RBFOX3: variants seen among roughly 807,000 people sequenced by gnomAD.
The protein encoded by RBFOX3 is RNA binding fox-1 homolog 3.
RBFOX3 carries 17 observed loss-of-function variants against 48.7 expected under a neutral mutation model. The observed-to-expected ratio is 0.35, with a 90% CI of 0.24 to 0.52. RBFOX3 has a LOEUF of 0.52. RBFOX3 is among the 20% of genes least tolerant of loss of function. The pLI is 0.94. For synonymous variants in RBFOX3, 212 were observed against 209.5 expected (o/e 1.01, Z -0.10); for missense variants, 382 against 497.5 (o/e 0.77, Z 2.21).
intron 1 of RBFOX3, among the ~76,000 whole-genome samples, chr17:79,580,510 G>A (rs890558659): frequency 1.3e-5 from 2 of 151,984 alleles, no homozygotes; most frequent in African/African-American, 4.8e-5. Context: ...ACTGTTCAGC[G>A]GTGCTCAGTG....
At chr17:79,426,017 G>A (rs1555725332) in intron 2 of RBFOX3, among the ~76,000 whole-genome samples, 2 of 152,126 alleles carry the variant, frequency 1.3e-5, no homozygotes, top group Non-Finnish European at 2.9e-5. Context: ...TGTGGAGGGG[G>A]AGAGAGCAAG....
At chr17:79,598,279 G>A (rs2093616149) in intron 1 of RBFOX3, 1 of 152,480 alleles carries the variant, frequency 6.6e-6, no homozygotes. Flanking sequence ...TGGCAATGCA[G>A]AGATGACCGT....
At chr17:79,393,363 TG>T (rs2061576491) in intron 2 of RBFOX3, among the ~76,000 whole-genome samples, 2 of 152,086 alleles carry the variant, frequency 1.3e-5, no homozygotes, top group Admixed American at 6.5e-5. Context: ...TACAATACAC[TG>T]GGAGGGAGAT....
rs2059548557 is a variant in RBFOX3 at position 79,220,120 on chromosome 17, A to G, written c.-34+15646T>C. 6.6e-6 allele frequency among the ~76,000 whole-genome samples: 1 copy of G among 152,124 alleles called. No individual in the cohort carries two copies. The highest frequency in any genetic ancestry group is 1.5e-5 in the Non-Finnish European group (1 of 68,018). On this transcript the variant is annotated intron_variant, in intron 4 of 14. Transcript: ENST00000693108. The surrounding 1 kb of genome is among the most constrained non-coding windows in gnomAD (Gnocchi z 5.9). ...GGGGGAGCACGCTGAGCTTCCCAAC[A>G]TTTCAGCCCCAGATCTGCCCAGAGT... is the stretch of plus-strand genomic sequence containing the variant.
intron 1 of RBFOX3, among the ~76,000 whole-genome samples, chr17:79,537,742 A>T (rs1176891498): frequency 6.6e-6 from 1 of 152,092 alleles, no homozygotes; most frequent in Non-Finnish European, 1.5e-5. Flanking sequence ...CCCAGCTCCA[A>T]TTATGACCCC....
rs1202166716 is a variant in RBFOX3, at chr17:79,362,336, C to T, written c.-174-54512G>A. Reference sequence around the variant, plus strand: ...CCCTTCAGGGCTTGGCTGAGATCCCCGGCCAGCGTCTGCGTAGGACGGTGG... The same window carrying T: ...CCCTTCAGGGCTTGGCTGAGATCCCTGGCCAGCGTCTGCGTAGGACGGTGG... On this transcript the variant is annotated intron_variant, in intron 2 of 14. Transcript: ENST00000693108. The surrounding 1 kb of genome is among the most constrained non-coding windows in gnomAD (Gnocchi z 4.2). Among the ~76,000 whole-genome samples, 5 of 152,210 alleles carry T rather than the reference C, an allele frequency of 3.3e-5. No individual in the cohort carries two copies. The highest frequency in any genetic ancestry group is 1.9e-4 in the East Asian group (1 of 5,186).
Position 79,220,904 on chromosome 17 carries a change from G to A in RBFOX3, c.-34+14862C>T, listed in dbSNP as rs967146793. On this transcript the variant is annotated intron_variant, in intron 4 of 14. Coordinates refer to ENST00000693108, the MANE Select transcript of RBFOX3 (RefSeq NM_001350451.2). This position sits in a 1 kb window ranked among gnomAD's most constrained non-coding sequence, Gnocchi z 5.9. Reference sequence around the variant, plus strand: ...AGAAGTTGAATGTGCATTGGGTGCAGCAGGGGTGAGAGGGTGGAGTGCAGG... The same window carrying A: ...AGAAGTTGAATGTGCATTGGGTGCAACAGGGGTGAGAGGGTGGAGTGCAGG... Among the ~76,000 whole-genome samples, 2 of 152,110 alleles carry A rather than the reference G, an allele frequency of 1.3e-5. No homozygotes were observed. The highest frequency in any genetic ancestry group is 2.9e-5 in the Non-Finnish European group (2 of 68,022).
chr17:79,295,955 C>T (rs759610370), intron 3 of RBFOX3, among the ~76,000 whole-genome samples: 5 of 151,902 alleles, frequency 3.3e-5, no homozygotes, highest in Non-Finnish European at 5.9e-5. Context: ...GATGAGCCAG[C>T]GTCATTCCCA....
At chr17:79,567,180 CTTTT>C (rs1159762873) in intron 1 of RBFOX3, among the ~76,000 whole-genome samples, 12 of 92,072 alleles carry the variant, frequency 1.3e-4, no homozygotes, top group East Asian at 6.5e-4. Context: ...TTCTTTCTTT[CTTTT>C]TTTTTTTTTT....
intron 2 of RBFOX3, among the ~76,000 whole-genome samples, chr17:79,367,949 C>A (rs1189863832): frequency 6.6e-6 from 1 of 152,180 alleles, no homozygotes; most frequent in Non-Finnish European, 1.5e-5. Flanking sequence ...GCATTCAGGG[C>A]TGGGGAATTA....
intron 4 of RBFOX3, among the ~76,000 whole-genome samples, chr17:79,190,109 C>G (rs2054166440): frequency 6.6e-6 from 1 of 152,204 alleles, no homozygotes; most frequent in South Asian, 2.1e-4. Context: ...CCTCTTTCCC[C>G]CAATCAAATA....
chr17:79,407,010 G>T (rs960100186), intron 2 of RBFOX3, among the ~76,000 whole-genome samples: 1 of 152,146 alleles, frequency 6.6e-6, no homozygotes, highest in African/African-American at 2.4e-5. Context: ...ATGCTTGTGT[G>T]TTTTTGTTTC....
At chr17:79,547,272 C>T (rs2090570228) in intron 1 of RBFOX3, among the ~76,000 whole-genome samples, 1 of 152,134 alleles carries the variant, frequency 6.6e-6, no homozygotes, top group African/African-American at 2.4e-5. Context: ...CACGGTGAAA[C>T]TCCGTCTCTA....
intron 3 of RBFOX3, among the ~76,000 whole-genome samples, chr17:79,301,991 G>A (rs985485830): frequency 6.6e-6 from 1 of 152,182 alleles, no homozygotes; most frequent in African/African-American, 2.4e-5. Context: ...TTATTTAATG[G>A]GGACAGAGTT....
rs768904311 is a variant in RBFOX3, at chr17:79,243,251, C to T, written c.-73-7446G>A. Among the ~76,000 whole-genome samples, 14 of 152,136 alleles carry T rather than the reference C, an allele frequency of 9.2e-5. No homozygotes were observed. Among genetic ancestry groups the T allele is most frequent in the Non-Finnish European group, 2.1e-4 (14 of 68,020 alleles). ...TGTGCTTAGAGCTGATTATTCTGCT[C>T]AGGCCAAGCACTCCCGGATAAACCC... On this transcript the variant is annotated intron_variant, in intron 3 of 14. Coordinates refer to ENST00000693108, the MANE Select transcript of RBFOX3 (RefSeq NM_001350451.2). This position sits in a 1 kb window ranked among gnomAD's most constrained non-coding sequence, Gnocchi z 7.9.
At chr17:79,104,623 C>A (rs2146582541) in intron 6 of RBFOX3, among the ~76,000 whole-genome samples, 1 of 152,284 alleles carries the variant, frequency 6.6e-6, no homozygotes, top group Admixed American at 6.5e-5. Context: ...TGCTTTGAGA[C>A]CCTTCTCTAA....
rs76251443 is a variant in RBFOX3, at chr17:79,158,669, C to G, written c.-33-42921G>C. On this transcript the variant is annotated intron_variant, in intron 4 of 14. Coordinates refer to ENST00000693108, the MANE Select transcript of RBFOX3 (RefSeq NM_001350451.2). ...GCTGGCAAGGAAGGTGGCTAGGGCT[C>G]AGAGCTCACTGTTTTCTGGGAGGAG... Among the ~76,000 whole-genome samples the G allele has an allele frequency of 8.5e-3, 1,297 of 152,258 alleles. 15 individuals are homozygous for G. Among genetic ancestry groups the G allele is most frequent in the African/African-American group, 0.03 (1,234 of 41,538 alleles).
intron 3 of RBFOX3, among the ~76,000 whole-genome samples, chr17:79,250,998 G>T (rs530771021): frequency 1.2e-4 from 19 of 152,018 alleles, no homozygotes; most frequent in African/African-American, 4.6e-4. Context: ...TAGTAGAGAC[G>T]GGGTTTCACC....
At chr17:79,180,232 A>G (rs192029400) in intron 4 of RBFOX3, among the ~76,000 whole-genome samples, 174 of 152,328 alleles carry the variant, frequency 1.1e-3, no homozygotes, top group Non-Finnish European at 1.0e-4. Context: ...TCCCCAGCCT[A>G]CCTAGGGTCC....
Sources: gnomAD v4.1 joint callset for allele counts (sites outside exome capture counted in the v4.1 genomes callset) on GRCh38, gnomAD v4.1.1 for gene constraint, Gnocchi (gnomAD v3.1) non-coding constraint, MANE v1.5 for transcripts, NCBI Gene and HGNC (gene_info 2026-07-23, HGNC 2026-07-21) for gene names.